The following CELF2 variants were observed in gnomAD, a reference collection of about 807,000 sequenced individuals.
The protein encoded by CELF2 is CUGBP Elav-like family member 2.
Under a neutral mutation model 62.6 loss-of-function variants are expected in CELF2, and 8 were observed. The observed-to-expected ratio is 0.13, with a 90% confidence interval of 0.07 to 0.23. CELF2 has a LOEUF of 0.23. Among genes scored for constraint, CELF2 ranks in the 10% least tolerant of loss-of-function variants. The pLI is 1.00. For synonymous variants in CELF2, 258 were observed against 250.0 expected (o/e 1.03, Z -0.30); for missense variants, 333 against 671.0 (o/e 0.50, Z 5.56).
rs2091080341 is a variant in CELF2, at chr10:11,285,834, TG to T, written c.842-2583del. ...CACCTACTATATATATTGGTGTGTG[TG>T]TGTGTGTGTGTGTGTGTGTGTGTGT... On this transcript the variant is annotated intron_variant, in intron 8 of 12. Coordinates refer to ENST00000633077, the MANE Select transcript of CELF2 (RefSeq NM_001326342.2). The surrounding 1 kb of genome is among the most constrained non-coding windows in gnomAD (Gnocchi z 4.3). 1.5e-4 allele frequency among the ~76,000 whole-genome samples: 3 copies of T among 20,190 alleles called. No individual in the cohort carries two copies. The highest frequency in any genetic ancestry group is 1.1e-3 in the East Asian group (2 of 1,868). The allele number at this position is 20,190 out of a possible 152,430, so 13.2% of individuals were successfully genotyped here. A position where few individuals can be genotyped will look rare whatever the true frequency, so the allele number is the denominator to read the frequency against.
intron 2 of CELF2, among the ~76,000 whole-genome samples, chr10:10,985,284 GTA>G (rs1202332520): frequency 6.6e-6 from 1 of 151,066 alleles, no homozygotes; most frequent in Non-Finnish European, 1.5e-5. Context: ...TTACATTTTA[GTA>G]AAATGGTTTC....
chr10:11,231,534 C>T (rs905333164), intron 3 of CELF2, among the ~76,000 whole-genome samples: 3 of 151,816 alleles, frequency 2.0e-5, no homozygotes, highest in South Asian at 2.1e-4. Context: ...GAAGGGGATC[C>T]GGAAGGAGTA....
intron 1 of CELF2, among the ~76,000 whole-genome samples, chr10:10,901,631 C>T (rs1346477745): frequency 6.6e-6 from 1 of 151,988 alleles, no homozygotes; most frequent in Non-Finnish European, 1.5e-5. Context: ...GCTCTAAAAG[C>T]GTGATCCAAA....
At chr10:11,233,273 C>T (rs551299872) in intron 3 of CELF2, among the ~76,000 whole-genome samples, 18 of 152,188 alleles carry the variant, frequency 1.2e-4, no homozygotes, top group Non-Finnish European at 2.4e-4. Flanking sequence ...TTCACACACG[C>T]AGGAGAAACA....
intron 2 of CELF2, among the ~76,000 whole-genome samples, chr10:10,980,235 C>T (rs979064564): frequency 2.0e-5 from 3 of 152,208 alleles, no homozygotes; most frequent in African/African-American, 7.2e-5. Flanking sequence ...TCTTCCGCAT[C>T]TCTGCTGGTG....
the CELF2 span, among the ~76,000 whole-genome samples, chr10:10,529,015 T>C: frequency 1.3e-5 from 2 of 152,350 alleles, no homozygotes; most frequent in African/African-American, 2.4e-5. Flanking sequence ...GAGAGTGTCT[T>C]ATCAGCCTGA....
chr10:10,833,091 AAAAG>A (rs1590943055), intron 1 of CELF2, among the ~76,000 whole-genome samples: 1 of 151,878 alleles, frequency 6.6e-6, no homozygotes, highest in Non-Finnish European at 1.5e-5. Context: ...AAATTTAGCA[AAAAG>A]AAAGATGTCA....
chr10:11,050,874 C>A (rs1162317980), intron 1 of CELF2, among the ~76,000 whole-genome samples: 2 of 152,220 alleles, frequency 1.3e-5, no homozygotes, highest in Non-Finnish European at 2.9e-5. Flanking sequence ...CCTCCCCTAC[C>A]ATTCACTCAC....
the CELF2 span, among the ~76,000 whole-genome samples, chr10:10,744,740 G>A: frequency 6.6e-6 from 1 of 151,772 alleles, no homozygotes; most frequent in Non-Finnish European, 1.5e-5. Context: ...CCCTTCTAGT[G>A]TGACATTTAA....
the CELF2 span, among the ~76,000 whole-genome samples, chr10:10,727,423 A>G: frequency 8.5e-5 from 13 of 152,292 alleles, no homozygotes; most frequent in African/African-American, 3.1e-4. Flanking sequence ...CTAAACTCCA[A>G]GCTGGCTTTA....
At chr10:10,672,629 A>G in the CELF2 span, among the ~76,000 whole-genome samples, 1,796 of 152,032 alleles carry the variant, frequency 0.012, 32 homozygotes, top group African/African-American at 0.041. Flanking sequence ...TATTTCTGGA[A>G]TCTGTCTTCT....
the CELF2 span, among the ~76,000 whole-genome samples, chr10:10,651,496 G>A: frequency 8.3e-6 from 1 of 120,372 alleles, no homozygotes; most frequent in Non-Finnish European, 1.8e-5. Context: ...AGAGAACAGT[G>A]GTTCTCCCAG....
chr10:11,266,855 A>G (rs1273506352), intron 6 of CELF2, among the ~76,000 whole-genome samples, 178 bp downstream of exon 6: 1 of 151,638 alleles, frequency 6.6e-6, no homozygotes, highest in Non-Finnish European at 1.5e-5. Context: ...TTCTCTATGC[A>G]TTTTTCCCCT....
At chr10:11,074,943 C>T (rs1415685077) in intron 1 of CELF2, 1 of 152,234 alleles carries the variant, frequency 6.6e-6, no homozygotes, top group East Asian at 1.9e-4. Context: ...CTTTCAACCA[C>T]TTACTGGAAT....
intron 2 of CELF2, among the ~76,000 whole-genome samples, chr10:10,973,860 G>T (rs1212432355): frequency 6.6e-6 from 1 of 152,174 alleles, no homozygotes; most frequent in Non-Finnish European, 1.5e-5. Flanking sequence ...TAGCCACCCT[G>T]CCTTGCCAAT....
At chr10:10,843,323 T>C (rs1342313117) in intron 1 of CELF2, among the ~76,000 whole-genome samples, 2 of 152,066 alleles carry the variant, frequency 1.3e-5, no homozygotes, top group Non-Finnish European at 2.9e-5. Flanking sequence ...AATTATTTCT[T>C]TTCTTCTACA....
the CELF2 span, among the ~76,000 whole-genome samples, chr10:10,669,418 C>A: frequency 6.6e-6 from 1 of 152,150 alleles, no homozygotes; most frequent in Non-Finnish European, 1.5e-5. Flanking sequence ...CAGAGAGAGA[C>A]CAGGTGACAT....
the CELF2 span, among the ~76,000 whole-genome samples, chr10:10,589,250 T>G: frequency 6.6e-6 from 1 of 152,216 alleles, no homozygotes; most frequent in Non-Finnish European, 1.5e-5. Context: ...GAAAGGAATG[T>G]CTGGATGAAG....
In CELF2 at chr10:11,244,838, G is replaced by C. The variant is rs1473908398; in HGVS notation, c.355-4315G>C. ...ACATCTTCCGGTTAACATGAGGATTGCTTTGAGAATGAATGCAGACATAGC... is the reference window on the plus strand; with the variant it reads ...ACATCTTCCGGTTAACATGAGGATTCCTTTGAGAATGAATGCAGACATAGC... On this transcript the variant is annotated intron_variant, in intron 3 of 12. Transcript: ENST00000633077. This position sits in a 1 kb window ranked among gnomAD's most constrained non-coding sequence, Gnocchi z 4.2. Among the ~76,000 whole-genome samples, 44 of 152,140 alleles carry C rather than the reference G, an allele frequency of 2.9e-4. No individual in the cohort carries two copies. Among genetic ancestry groups the C allele is most frequent in the Non-Finnish European group, 7.4e-5 (5 of 68,018 alleles).
Sources: gnomAD v4.1 joint callset for allele counts (sites outside exome capture counted in the v4.1 genomes callset) on GRCh38, gnomAD v4.1.1 for gene constraint, Gnocchi (gnomAD v3.1) non-coding constraint, MANE v1.5 for transcripts, NCBI Gene and HGNC (gene_info 2026-07-23, HGNC 2026-07-21) for gene names.